GABRB2: variants seen among roughly 807,000 people sequenced by gnomAD.
The protein encoded by GABRB2 is gamma-aminobutyric acid type A receptor subunit beta2.
A neutral mutation model predicts 54.7 loss-of-function variants in GABRB2; 16 were observed. That is an observed-to-expected ratio of 0.29 (90% CI 0.20 to 0.44). GABRB2 has a LOEUF of 0.44. GABRB2 is among the 20% of genes least tolerant of loss of function. The pLI is 1.00. For synonymous variants in GABRB2, 244 were observed against 233.8 expected, an observed-to-expected ratio of 1.04 and a Z score of -0.40; for missense variants, 355 against 644.0, an observed-to-expected ratio of 0.55 and a Z score of 4.86.
chr5:161,485,913 G>T (rs1391714998), intron 3 of GABRB2, among the ~76,000 whole-genome samples: 7 of 151,850 alleles, frequency 4.6e-5, no homozygotes, highest in African/African-American at 1.7e-4. Flanking sequence ...GCACCTGCCT[G>T]GGAATGAAGG....
intron 4 of GABRB2, among the ~76,000 whole-genome samples, chr5:161,431,694 G>C (rs188642477): frequency 1.6e-3 from 247 of 152,248 alleles, no homozygotes; most frequent in Middle Eastern, 3.4e-3. Flanking sequence ...CTCTAAAACT[G>C]TTTGTTCTTT....
chr5:161,398,290 G>A (rs1346780009), intron 5 of GABRB2, among the ~76,000 whole-genome samples: 2 of 152,150 alleles, frequency 1.3e-5, no homozygotes, highest in Non-Finnish European at 2.9e-5. Context: ...TAAATTTCCT[G>A]ACTGGCTGTC....
chr5:161,504,255 T>C (rs2113386190), intron 3 of GABRB2, among the ~76,000 whole-genome samples: 1 of 152,240 alleles, frequency 6.6e-6, no homozygotes, highest in Non-Finnish European at 1.5e-5. Flanking sequence ...CTGAATACAA[T>C]ACACATGGAA....
upstream of GABRB2, chr5:161,546,775 G>A (rs1052034854): frequency 5.4e-6 from 8 of 1,473,182 alleles, no homozygotes; most frequent in African/African-American, 1.0e-4. Flanking sequence ...AGCGGCGGCT[G>A]CCGGGGACCG....
chr5:161,516,657 A>G (rs1295053034), intron 3 of GABRB2, among the ~76,000 whole-genome samples: 1 of 150,082 alleles, frequency 6.7e-6, no homozygotes, highest in Non-Finnish European at 1.5e-5. Context: ...ATTTTTTTTT[A>G]TTGAAAAAGT....
At chr5:161,461,303 C>T (rs1758112191) in intron 3 of GABRB2, among the ~76,000 whole-genome samples, 1 of 152,098 alleles carries the variant, frequency 6.6e-6, no homozygotes, top group African/African-American at 2.4e-5. Context: ...ATTTTAATCC[C>T]AGCCTTACGG....
chr5:161,449,588 G>A (rs777590028), intron 4 of GABRB2, among the ~76,000 whole-genome samples: 19 of 152,002 alleles, frequency 1.2e-4, no homozygotes, highest in South Asian at 2.1e-4. Context: ...TTAAACCAAC[G>A]CTGAGAACAA....
chr5:161,475,593 C>G (rs1161797628), intron 3 of GABRB2, among the ~76,000 whole-genome samples: 1 of 151,762 alleles, frequency 6.6e-6, no homozygotes, highest in Non-Finnish European at 1.5e-5. Context: ...CTCAATAGCA[C>G]ATGAGAAGGA....
chr5:161,480,140 C>G lies in GABRB2; in HGVS notation c.238-20296G>C, dbSNP rs551931892. 2.7e-3 allele frequency among the ~76,000 whole-genome samples: 415 copies of G among 152,062 alleles called. 1 individual carries two copies. Among genetic ancestry groups the G allele is most frequent in the Non-Finnish European group, 4.0e-3 (274 of 67,942 alleles). On this transcript the variant is annotated intron_variant, in intron 3 of 9. Coordinates refer to ENST00000393959, the MANE Select transcript of GABRB2 (RefSeq NM_001371727.1). ...CAATGGTAGTCCTTTCTCTTCCTCT[C>G]CATGAACCTGAAGAATGACACAGCC...
intron 9 of GABRB2, among the ~76,000 whole-genome samples, chr5:161,296,737 G>A (rs2113338278): frequency 6.6e-6 from 1 of 152,334 alleles, no homozygotes; most frequent in East Asian, 1.9e-4. Context: ...CGGTGAGAAA[G>A]ACGGAATTGC....
chr5:161,442,607 C>T (rs1757499641), intron 4 of GABRB2, among the ~76,000 whole-genome samples: 1 of 152,156 alleles, frequency 6.6e-6, no homozygotes, highest in Admixed American at 6.6e-5. Context: ...TAATGCTGAG[C>T]AGCACTGTCC....
chr5:161,502,717 A>G (rs1043445208), intron 3 of GABRB2, among the ~76,000 whole-genome samples: 1 of 152,202 alleles, frequency 6.6e-6, no homozygotes, highest in African/African-American at 2.4e-5. Context: ...TTATACCTTC[A>G]ACAGGGAGCA....
chr5:161,380,329 A>G (rs151245122), intron 5 of GABRB2, among the ~76,000 whole-genome samples: 45 of 152,276 alleles, frequency 3.0e-4, no homozygotes, highest in African/African-American at 1.1e-3. Flanking sequence ...GTGAATTGTC[A>G]CCTAGGCCCT....
At chr5:161,398,585 C>A (rs1756076328) in intron 5 of GABRB2, among the ~76,000 whole-genome samples, 1 of 152,156 alleles carries the variant, frequency 6.6e-6, no homozygotes. Flanking sequence ...ACTAAACACA[C>A]TAAACACTGC....
chr5:161,434,443 ACT>A (rs1178244870), intron 4 of GABRB2, among the ~76,000 whole-genome samples: 2 of 151,628 alleles, frequency 1.3e-5, no homozygotes, highest in East Asian at 3.9e-4. Flanking sequence ...CTAACAAAAG[ACT>A]CTTCTTCCCT....
At chr5:161,527,530 T>C (rs1178653978) in intron 3 of GABRB2, among the ~76,000 whole-genome samples, 1 of 151,574 alleles carries the variant, frequency 6.6e-6, no homozygotes, top group African/African-American at 2.4e-5. Flanking sequence ...CAATCAAATA[T>C]ATTATTCACA....
chr5:161,382,163 G>A (rs1183383584), intron 5 of GABRB2, among the ~76,000 whole-genome samples: 3 of 152,164 alleles, frequency 2.0e-5, no homozygotes, highest in Non-Finnish European at 2.9e-5. Flanking sequence ...GGGAAGAACA[G>A]GGAGAAGAAC....
intron 3 of GABRB2, among the ~76,000 whole-genome samples, chr5:161,484,963 A>T (rs577549723): frequency 2.2e-4 from 33 of 152,084 alleles, no homozygotes; most frequent in African/African-American, 7.7e-4. Flanking sequence ...CTCACCATTT[A>T]TGCTTCTGAA....
chr5:161,374,760 C>G (rs1171520934), intron 5 of GABRB2, among the ~76,000 whole-genome samples: 1 of 152,186 alleles, frequency 6.6e-6, no homozygotes. Context: ...TGTTTCCCTA[C>G]ATGGTCTTAC....
Sources: gnomAD v4.1 joint callset for allele counts (sites outside exome capture counted in the v4.1 genomes callset) on GRCh38, gnomAD v4.1.1 for gene constraint, MANE v1.5 for transcripts, NCBI Gene and HGNC (gene_info 2026-07-23, HGNC 2026-07-21) for gene names.